Variants in KIF24 observed in about 807,000 individuals in gnomAD.
KIF24 encodes kinesin-like protein KIF24.
Under a neutral mutation model 118.9 loss-of-function variants are expected in KIF24, and 81 were observed. The ratio of observed to expected loss-of-function variants is 0.68; its 90% confidence interval spans 0.57 to 0.82. The LOEUF (loss-of-function observed/expected upper bound fraction) is 0.82, where lower values mean the gene tolerates loss of function less well. KIF24 is among the 40% of genes least tolerant of loss of function. KIF24 has a pLI of 0.00. For missense variants in KIF24, 1,560 were observed against 1,661.6 expected (o/e 0.94, Z 1.06); for synonymous variants, 599 against 610.0 (o/e 0.98, Z 0.27).
chr9:34,303,174 CA>C (rs1836790210), intron 3 of KIF24, among the ~76,000 whole-genome samples: 1 of 151,966 alleles, frequency 6.6e-6, no homozygotes, highest in Non-Finnish European at 1.5e-5. Context: ...TTTGGCCTCC[CA>C]AAATGCTGGG....
intron 3 of KIF24, among the ~76,000 whole-genome samples, 190 bp downstream of exon 3, chr9:34,306,062 G>GA (rs1836903031): frequency 6.6e-6 from 1 of 151,812 alleles, no homozygotes; most frequent in Non-Finnish European, 1.5e-5. Flanking sequence ...ACCGTCTTTT[G>GA]AAAAAATGAA....
At chr9:34,292,381 C>T (rs1836284229) in intron 4 of KIF24, among the ~76,000 whole-genome samples, 1 of 151,934 alleles carries the variant, frequency 6.6e-6, no homozygotes, top group South Asian at 2.1e-4. Flanking sequence ...ATTATTTTTT[C>T]CCCTTTTATT....
chr9:34,287,484 G>A (rs1421035907), intron 5 of KIF24, among the ~76,000 whole-genome samples: 1 of 152,074 alleles, frequency 6.6e-6, no homozygotes, highest in East Asian at 1.9e-4. Context: ...TCCACTGAGA[G>A]GCATATGTTG....
At position 34,263,024 on chromosome 9, in the gene KIF24, G is replaced by T; in HGVS notation, c.1515+77C>A. ...CATGTCTTACTGACAGTGGATGCTC[G>T]ACTGAATGAACAAATACATGAAATA... On this transcript the variant is annotated intron_variant, in intron 9 of 12. Coordinates refer to ENST00000402558, the MANE Select transcript of KIF24 (RefSeq NM_194313.4). The T allele has an allele frequency of 2.7e-6, 3 of 1,114,742 alleles. No individual in the cohort carries two copies. The South Asian group carries it at 4.0e-5, about 15-fold the overall frequency. The allele number at this position is 1,114,742 out of a possible 1,614,324, so 69.1% of individuals were successfully genotyped here.
rs1281595652 is a variant in KIF24, at chr9:34,256,400, C to A, written c.3207G>T (p.Glu1069Asp). The A allele has an allele frequency of 6.2e-7, 1 of 1,613,976 alleles. No homozygotes were observed. Among genetic ancestry groups the A allele is most frequent in the East Asian group, 2.2e-5 (1 of 44,876 alleles). Residue 1069 changes from glutamate to aspartate, a missense_variant, in exon 11 of 13, where the codon GAG becomes GAT. This residue lies in a region of KIF24 where 591 missense variants were observed against 655.6 expected (regional missense o/e 0.90). Coordinates refer to ENST00000402558, the MANE Select transcript of KIF24 (RefSeq NM_194313.4). Reference sequence around the variant, plus strand: ...GCGTAGCCCCATCCTGGACCAGCTGCTCCGAGGGAGGAGACCCTTCGTTGT... The same window carrying A: ...GCGTAGCCCCATCCTGGACCAGCTGATCCGAGGGAGGAGACCCTTCGTTGT... ...NPDNEGSPPSEQLVQDGATHS... is the reference protein window; with the variant it reads ...NPDNEGSPPSDQLVQDGATHS...
chr9:34,299,846 G>A (rs1007066012), intron 3 of KIF24, among the ~76,000 whole-genome samples: 1 of 143,646 alleles, frequency 7.0e-6, no homozygotes, highest in African/African-American at 2.5e-5. Flanking sequence ...GTGTGTGTGT[G>A]TATAGTTGGT....
chr9:34,301,981 A>C (rs529731619), intron 3 of KIF24, among the ~76,000 whole-genome samples: 1 of 135,790 alleles, frequency 7.4e-6, no homozygotes, highest in African/African-American at 2.5e-5. Context: ...TTTTTTCTAT[A>C]TATGTATTTT....
intron 7 of KIF24, among the ~76,000 whole-genome samples, chr9:34,270,220 GA>G (rs1199072244): frequency 0.018 from 1,667 of 91,036 alleles, 37 homozygotes; most frequent in African/African-American, 0.063. Context: ...TCCATCTCAA[GA>G]AAAAAAAAAA....
intron 6 of KIF24, among the ~76,000 whole-genome samples, chr9:34,275,730 C>G (rs1419893184): frequency 6.6e-6 from 1 of 151,908 alleles, no homozygotes; most frequent in Non-Finnish European, 1.5e-5. Context: ...GTCCCAGCTA[C>G]TTGGGAGGCT....
intron 6 of KIF24, among the ~76,000 whole-genome samples, chr9:34,283,958 G>C (rs556380135): frequency 2.0e-5 from 3 of 152,248 alleles, no homozygotes; most frequent in African/African-American, 7.2e-5. Flanking sequence ...ACACCACTCT[G>C]GGAAACAGTC....
chr9:34,294,770 C>T (rs952611375), intron 4 of KIF24, among the ~76,000 whole-genome samples: 3 of 152,140 alleles, frequency 2.0e-5, no homozygotes, highest in African/African-American at 7.2e-5. Flanking sequence ...ATGATTCTAT[C>T]TCTATGATAT....
Position 34,257,162 on chromosome 9 carries a change from A to G in KIF24, c.2445T>C (p.His815=). 1 of 1,614,020 alleles carries G rather than the reference A, an allele frequency of 6.2e-7. No homozygotes were observed. The highest frequency in any genetic ancestry group is 8.5e-7 in the Non-Finnish European group (1 of 1,179,900). The change falls in exon 11 of 13, where the codon CAT becomes CAC. Residue 815 remains histidine, a synonymous_variant. Transcript: ENST00000402558. The part of the protein sequence containing the change: ...PPLFHSYSEN[H]DGAQVEELDD... ...CAAGTTCCTCTACTTGGGCTCCATC[A>G]TGGTTTTCAGAGTAAGAGTGGAACA...
rs779535258 is a variant in KIF24, at chr9:34,271,795, T to C, written c.1337+14A>G. 48 of 1,612,234 alleles carry C rather than the reference T, an allele frequency of 3.0e-5. No homozygotes were observed. Among genetic ancestry groups the C allele is most frequent in the Non-Finnish European group, 3.7e-5 (44 of 1,179,346 alleles). On this transcript the variant is annotated intron_variant, in intron 7 of 12. Transcript: ENST00000402558. ...AAAGGCAGACAATGTAACTCCCTGATATTTCCAGCTCACCTGCCAAATGTC... is the reference window on the plus strand; with the variant it reads ...AAAGGCAGACAATGTAACTCCCTGACATTTCCAGCTCACCTGCCAAATGTC...
At chr9:34,328,632 T>C (rs1837757162) in intron 1 of KIF24, among the ~76,000 whole-genome samples, 1 of 152,250 alleles carries the variant, frequency 6.6e-6, no homozygotes, top group African/African-American at 2.4e-5. Flanking sequence ...ATCCAATCTA[T>C]TTCTTGTAAA....
chr9:34,322,839 G>A (rs1017937527), intron 1 of KIF24, among the ~76,000 whole-genome samples: 3 of 152,182 alleles, frequency 2.0e-5, no homozygotes, highest in African/African-American at 7.2e-5. Flanking sequence ...CTGGGCAACA[G>A]AGTGAGACTC....
chr9:34,306,552 C>T, intron 2 of KIF24, 111 bp from the exon 3 acceptor site: 3 of 683,258 alleles, frequency 4.4e-6, no homozygotes, highest in Middle Eastern at 2.8e-4. Context: ...CCTGTAATCC[C>T]AGCACTTTGA....
chr9:34,292,147 G>T (rs915694028), intron 4 of KIF24, among the ~76,000 whole-genome samples: 6 of 152,114 alleles, frequency 3.9e-5, no homozygotes, highest in Non-Finnish European at 7.4e-5. Flanking sequence ...CCCTACTGTT[G>T]TCTACATTAT....
chr9:34,257,451 C>A lies in KIF24; in HGVS notation c.2156G>T (p.Arg719Leu). 1.9e-6 allele frequency: 3 copies of A among 1,614,010 alleles called. No individual in the cohort carries two copies. Among genetic ancestry groups the A allele is most frequent in the South Asian group, 1.1e-5 (1 of 91,084 alleles). Residue 719 changes from arginine (R) to leucine (L), a missense_variant, in exon 11 of 13, where the codon CGA (arginine) becomes CTA (leucine). Coordinates refer to ENST00000402558, the MANE Select transcript of KIF24 (RefSeq NM_194313.4). ...GGCGTTGCCAAAGGAGAGCTCAACT[C>A]GAGACACAAGCTGCTTCTGTACTGG... is the stretch of plus-strand genomic sequence containing the variant. Reference protein sequence around the residue: ...VQPVQKQLVSRVELSFGNAHH... With the variant: ...VQPVQKQLVSLVELSFGNAHH...
intron 1 of KIF24, among the ~76,000 whole-genome samples, chr9:34,312,676 ACTAAT>A (rs1837207954): frequency 6.6e-6 from 1 of 152,126 alleles, no homozygotes; most frequent in South Asian, 2.1e-4. Context: ...CACATCCTAA[ACTAAT>A]CCTGGCCTTC....
Sources: allele counts gnomAD v4.1 joint callset (sites outside exome capture counted in the v4.1 genomes callset), GRCh38; gene constraint gnomAD v4.1.1; regional missense constraint gnomAD v4.1.1; transcripts MANE v1.5; gene names NCBI Gene and HGNC (gene_info 2026-07-23, HGNC 2026-07-21).